The following SCNN1B variants were observed in gnomAD, a reference collection of about 807,000 sequenced individuals.
SCNN1B encodes the protein epithelial sodium channel subunit beta.
A neutral mutation model predicts 65.3 loss-of-function variants in SCNN1B; 46 were observed. The observed-to-expected ratio is 0.70, with a 90% CI of 0.56 to 0.90. The LOEUF (loss-of-function observed/expected upper bound fraction) is 0.90, where lower values mean the gene tolerates loss of function less well. Ranked by LOEUF, SCNN1B falls within the 40% of genes least tolerant of loss-of-function variation. The pLI is 0.00. For synonymous variants in SCNN1B, 349 were observed against 330.6 expected (o/e 1.06, Z -0.60); for missense variants, 751 against 830.5 (o/e 0.90, Z 1.18).
chr16:23,343,312 C>A (rs1196015085), intron 1 of SCNN1B, among the ~76,000 whole-genome samples: 1 of 151,590 alleles, frequency 6.6e-6, no homozygotes, highest in Non-Finnish European at 1.5e-5. Context: ...ATTAGCCGGG[C>A]GTGGTGGTGC....
intron 7 of SCNN1B, among the ~76,000 whole-genome samples, chr16:23,372,513 G>C (rs981097523): frequency 1.1e-5 from 1 of 91,062 alleles, no homozygotes; most frequent in African/African-American, 4.2e-5. Context: ...TTTTTTTTTT[G>C]AGATGGAGTC....
intron 1 of SCNN1B, chr16:23,323,696 G>T: frequency 1.5e-6 from 1 of 672,514 alleles, no homozygotes; most frequent in African/African-American, 1.8e-5. Context: ...GAGACATCTA[G>T]GCTGGGACCA....
chr16:23,287,703 C>A (rs1021013360), intron 2 of SCNN1B, among the ~76,000 whole-genome samples: 1 of 152,064 alleles, frequency 6.6e-6, no homozygotes, highest in Non-Finnish European at 1.5e-5. Flanking sequence ...ATGATTATAC[C>A]ACCACAATCC....
At chr16:23,373,884 GTA>G (rs1205141637) in intron 7 of SCNN1B, among the ~76,000 whole-genome samples, 1 of 152,132 alleles carries the variant, frequency 6.6e-6, no homozygotes, top group Non-Finnish European at 1.5e-5. Context: ...GGAGAAGAAG[GTA>G]CCAGCCCCAG....
At position 23,373,032 on chromosome 16, in the gene SCNN1B, G is replaced by A. The variant is rs1190781985; in HGVS notation, c.1152+1149G>A. On this transcript the variant is annotated intron_variant, in intron 7 of 12. Transcript: ENST00000343070. ...TGAGGCAAGAGAATTGCTTGAACCC[G>A]GGAGGCGGAGGTTGCAGTGAGCTGA... Among the ~76,000 whole-genome samples the A allele has an allele frequency of 4.6e-5, 7 of 152,002 alleles. No homozygotes were observed. In the East Asian group the frequency reaches 9.8e-4, roughly 21 times the overall value.
In SCNN1B at chr16:23,377,317, C is replaced by T. The variant is rs771683506; in HGVS notation, c.1347-12C>T. 4.0e-5 allele frequency: 64 copies of T among 1,614,050 alleles called. No homozygotes were observed. In the South Asian group the frequency reaches 6.7e-4, roughly 17 times the overall value. Reference sequence around the variant, plus strand: ...TGGCAGGGACCACAACAGGCCTGGCCTTCTCTTTCAGTGACACCCAGTACA... The same window carrying T: ...TGGCAGGGACCACAACAGGCCTGGCTTTCTCTTTCAGTGACACCCAGTACA... On this transcript the variant is annotated splice_polypyrimidine_tract_variant and intron_variant, in intron 9 of 12. Transcript: ENST00000343070.
upstream of SCNN1B, among the ~76,000 whole-genome samples, chr16:23,300,070 T>C (rs1961051970): frequency 6.6e-6 from 1 of 152,134 alleles, no homozygotes. Flanking sequence ...AAACCATCAC[T>C]CTCAGCAAAC....
At chr16:23,311,418 C>A (rs150825036) in intron 1 of SCNN1B, among the ~76,000 whole-genome samples, 2 of 152,192 alleles carry the variant, frequency 1.3e-5, no homozygotes, top group African/African-American at 2.4e-5. Flanking sequence ...TAAGCAGGGG[C>A]TGGGTTGCAC....
chr16:23,336,373 T>C (rs1386114442), intron 1 of SCNN1B, among the ~76,000 whole-genome samples: 2 of 91,380 alleles, frequency 2.2e-5, no homozygotes, highest in African/African-American at 2.3e-4. Context: ...GCAAGACGAT[T>C]TTTTTTTTTT....
At chr16:23,329,951 A>G (rs1180335179) in intron 1 of SCNN1B, among the ~76,000 whole-genome samples, 1 of 151,970 alleles carries the variant, frequency 6.6e-6, no homozygotes, top group Non-Finnish European at 1.5e-5. Flanking sequence ...ACTTGAGCCC[A>G]GGCAGTTGGA....
intron 7 of SCNN1B, among the ~76,000 whole-genome samples, chr16:23,372,654 G>A (rs972342072): frequency 5.9e-5 from 9 of 151,542 alleles, no homozygotes; most frequent in Admixed American, 6.6e-5. Flanking sequence ...CCGCTACACC[G>A]GCTAATTTTT....
chr16:23,281,957 C>T (rs1032429878), intron 1 of SCNN1B, among the ~76,000 whole-genome samples: 2 of 151,972 alleles, frequency 1.3e-5, no homozygotes, highest in African/African-American at 2.4e-5. Context: ...TTTGGGAGGC[C>T]GAGGTGGGTG....
chr16:23,284,239 T>C (rs769765389), intron 2 of SCNN1B, among the ~76,000 whole-genome samples: 3 of 152,026 alleles, frequency 2.0e-5, no homozygotes, highest in African/African-American at 4.8e-5. Flanking sequence ...AACCTGTGCC[T>C]ACTAAAAGTA....
intron 1 of SCNN1B, among the ~76,000 whole-genome samples, chr16:23,323,836 A>C (rs2141996193): frequency 1.3e-5 from 2 of 152,242 alleles, no homozygotes; most frequent in African/African-American, 4.8e-5. Flanking sequence ...CAGGCCAAAG[A>C]CTGAATCTTT....
upstream of SCNN1B, among the ~76,000 whole-genome samples, chr16:23,300,993 CGTGTGT>C (rs60930177): frequency 6.1e-5 from 9 of 148,364 alleles, no homozygotes; most frequent in African/African-American, 2.0e-4. Context: ...GTTAAAAACA[CGTGTGT>C]GTGTGTGTGT....
chr16:23,279,689 A>C (rs1960756795), intron 1 of SCNN1B, among the ~76,000 whole-genome samples: 1 of 152,210 alleles, frequency 6.6e-6, no homozygotes, highest in African/African-American at 2.4e-5. Context: ...ACAGAAAAGT[A>C]AACACTTTTA....
intron 1 of SCNN1B, among the ~76,000 whole-genome samples, chr16:23,344,404 A>G (rs1962142287): frequency 6.6e-6 from 1 of 152,236 alleles, no homozygotes; most frequent in Non-Finnish European, 1.5e-5. Flanking sequence ...GAGGCCCTTT[A>G]TATCTTCTAC....
upstream of SCNN1B, among the ~76,000 whole-genome samples, chr16:23,301,978 G>A (rs1227890182): frequency 6.6e-6 from 1 of 152,166 alleles, no homozygotes; most frequent in African/African-American, 2.4e-5. Flanking sequence ...TACACGCGTG[G>A]GGTGGGATGG....
intron 2 of SCNN1B, among the ~76,000 whole-genome samples, chr16:23,350,551 C>T (rs1962286965): frequency 6.6e-6 from 1 of 152,180 alleles, no homozygotes; most frequent in Admixed American, 6.5e-5. Context: ...GCAGGTGCAG[C>T]TGGTGAGATG....
Sources: allele counts gnomAD v4.1 joint callset (sites outside exome capture counted in the v4.1 genomes callset), GRCh38; gene constraint gnomAD v4.1.1; transcripts MANE v1.5; gene names NCBI Gene and HGNC (gene_info 2026-07-23, HGNC 2026-07-21).